PAMR1: variants seen among roughly 807,000 people sequenced by gnomAD.
The protein encoded by PAMR1 is inactive serine protease PAMR1.
A neutral mutation model predicts 81.8 loss-of-function variants in PAMR1; 88 were observed. The ratio of observed to expected loss-of-function variants is 1.08; its 90% CI spans 0.91 to 1.28. PAMR1 has a LOEUF of 1.28. Ranked by LOEUF, PAMR1 falls within the 50% of genes most tolerant of loss-of-function variation. PAMR1 has a pLI of 0.00. For synonymous variants in PAMR1, 336 were observed against 345.3 expected, an observed-to-expected ratio of 0.97 and a Z score of 0.30; for missense variants, 935 against 919.7, an observed-to-expected ratio of 1.02 and a Z score of -0.21.
chr11:35,434,507 C>CT lies in PAMR1; in HGVS notation c.1626+4dup. On this transcript the variant is annotated splice_donor_region_variant and intron_variant, in intron 10 of 10. Transcript: ENST00000619888. ...CCCAGCTTCCAAGTGCAAGCCCTCT[C>CT]TTACCTGTAGGCTCTGGATGGTCTT... is the stretch of plus-strand genomic sequence containing the variant. The CT allele has an allele frequency of 2.5e-6, 4 of 1,610,840 alleles. No individual in the cohort carries two copies. The highest frequency in any genetic ancestry group is 3.4e-6 in the Non-Finnish European group (4 of 1,177,524).
chr11:35,472,272 T>G (rs1850201488), intron 4 of PAMR1, among the ~76,000 whole-genome samples: 1 of 152,214 alleles, frequency 6.6e-6, no homozygotes, highest in Non-Finnish European at 1.5e-5. Flanking sequence ...AGCTACCACC[T>G]GACAGAAGCC....
intron 3 of PAMR1, among the ~76,000 whole-genome samples, chr11:35,475,806 G>A (rs78554708): frequency 0.027 from 4,136 of 152,252 alleles, 184 homozygotes; most frequent in East Asian, 0.21. Context: ...TCATGGCAGA[G>A]TTAAGTAATT....
rs66913789 is a variant in PAMR1, at chr11:35,506,413, G to GT, written c.74-12142dup. 8.9e-4 allele frequency among the ~76,000 whole-genome samples: 117 copies of GT among 131,684 alleles called. 1 individual carries two copies. Among genetic ancestry groups the GT allele is most frequent in the East Asian group, 7.2e-3 (34 of 4,696 alleles). 86.4% of individuals were successfully genotyped at this position (131,684 alleles called of 152,430 possible). ...AAAAAAATTTTTTTTGCATGTTAGT[G>GT]TTTTTTTTTTGTTTTTTGGTGTTTT... On this transcript the variant is annotated intron_variant, in intron 1 of 10. Transcript: ENST00000619888.
At chr11:35,496,344 GA>G (rs1850726615) in intron 1 of PAMR1, among the ~76,000 whole-genome samples, 1 of 152,192 alleles carries the variant, frequency 6.6e-6, no homozygotes, top group African/African-American at 2.4e-5. Flanking sequence ...CAAAATGGGA[GA>G]AAATATCAGA....
At chr11:35,487,693 T>G (rs1436578530) in intron 3 of PAMR1, among the ~76,000 whole-genome samples, 1 of 152,166 alleles carries the variant, frequency 6.6e-6, no homozygotes, top group East Asian at 1.9e-4. Flanking sequence ...CAGCAGATAT[T>G]TCACTCCCTA....
At chr11:35,489,560 T>A (rs7115890) in intron 3 of PAMR1, among the ~76,000 whole-genome samples, 2,454 of 152,322 alleles carry the variant, frequency 0.016, 65 homozygotes, top group African/African-American at 0.056. Flanking sequence ...TAAACCATCC[T>A]TCATCTCAGA....
chr11:35,524,720 C>T lies in PAMR1; in HGVS notation c.73+793G>A, dbSNP rs149791866. On this transcript the variant is annotated intron_variant, in intron 1 of 10. Coordinates refer to ENST00000619888, the MANE Select transcript of PAMR1 (RefSeq NM_001001991.3). ...TGTTCCTATGACGTTCCCACTTCCC[C>T]GCCTGCCAGCAAGCAGGATCTGCCA... Among the ~76,000 whole-genome samples, 377 of 152,290 alleles carry T rather than the reference C, an allele frequency of 2.5e-3. 1 individual carries two copies. Among genetic ancestry groups the T allele is most frequent in the African/African-American group, 8.4e-3 (349 of 41,558 alleles).
intron 3 of PAMR1, among the ~76,000 whole-genome samples, chr11:35,485,472 A>G (rs1850480764): frequency 6.6e-6 from 1 of 152,080 alleles, no homozygotes. Flanking sequence ...CTTAGTCTGG[A>G]TATTCTGAGA....
Position 35,434,537 on chromosome 11 carries a change from TC to T in PAMR1, c.1600del (p.Asp534MetfsTer31). 6.2e-7 allele frequency: 1 copy of T among 1,613,940 alleles called. No homozygotes were observed. The highest frequency in any genetic ancestry group is 1.3e-5 in the African/African-American group (1 of 74,962). On this transcript the variant is annotated frameshift_variant, in exon 10 of 11. Transcript: ENST00000619888. LOFTEE classifies it high-confidence loss of function. Reference sequence around the variant, plus strand: ...CTGTAGGCTCTGGATGGTCTTCTCATCCCGGTCATCATCCCGGTAGAATTTC... The same window carrying T: ...CTGTAGGCTCTGGATGGTCTTCTCATCCGGTCATCATCCCGGTAGAATTTC... ...LGKFYRDDDR[D>X]EKTIQSLQIS...
At chr11:35,519,957 T>C (rs1258086733) in intron 1 of PAMR1, among the ~76,000 whole-genome samples, 3 of 152,160 alleles carry the variant, frequency 2.0e-5, no homozygotes, top group East Asian at 1.9e-4. Flanking sequence ...ACTGAAACCC[T>C]TTGCCTAAGC....
At chr11:35,476,504 C>T (rs111885566) in intron 3 of PAMR1, among the ~76,000 whole-genome samples, 4,689 of 152,242 alleles carry the variant, frequency 0.031, 202 homozygotes, top group East Asian at 0.21. Context: ...AAGAAGGACG[C>T]GTTTGCTTCC....
chr11:35,486,167 C>G (rs1466056984), intron 3 of PAMR1, among the ~76,000 whole-genome samples: 2 of 152,130 alleles, frequency 1.3e-5, no homozygotes, highest in African/African-American at 4.8e-5. Flanking sequence ...CATTGTGTTC[C>G]CTGGTGACCA....
At chr11:35,478,004 C>T (rs1384063362) in intron 3 of PAMR1, among the ~76,000 whole-genome samples, 1 of 152,198 alleles carries the variant, frequency 6.6e-6, no homozygotes, top group African/African-American at 2.4e-5. Flanking sequence ...CAGCCCCCGT[C>T]CCTCAGGGAC....
In PAMR1 at chr11:35,496,984, G is replaced by A. The variant is rs145323163; in HGVS notation, c.74-2712C>T. Reference sequence around the variant, plus strand: ...AGTTTGAGACCAGCCTAGCCAACATGGTGAAACCTCATCTCAACTAAAGAT... The same window carrying A: ...AGTTTGAGACCAGCCTAGCCAACATAGTGAAACCTCATCTCAACTAAAGAT... On this transcript the variant is annotated intron_variant, in intron 1 of 10. Coordinates refer to ENST00000619888, the MANE Select transcript of PAMR1 (RefSeq NM_001001991.3). Among the ~76,000 whole-genome samples, 6 of 152,182 alleles carry A rather than the reference G, an allele frequency of 3.9e-5. No homozygotes were observed. The East Asian group carries it at 9.7e-4, about 24-fold the overall frequency.
chr11:35,458,518 C>CTAT (rs1427614668), intron 6 of PAMR1, among the ~76,000 whole-genome samples: 1 of 152,154 alleles, frequency 6.6e-6, no homozygotes, highest in African/African-American at 2.4e-5. Flanking sequence ...CAGGCAGGTA[C>CTAT]TATTCTGTTT....
intron 6 of PAMR1, among the ~76,000 whole-genome samples, chr11:35,448,824 T>G (rs1856351227): frequency 6.6e-6 from 1 of 152,222 alleles, no homozygotes; most frequent in East Asian, 1.9e-4. Context: ...ATGAGATTTT[T>G]GTGGGGTCTT....
At chr11:35,496,919 A>C (rs754286959) in intron 1 of PAMR1, among the ~76,000 whole-genome samples, 17 of 152,126 alleles carry the variant, frequency 1.1e-4, no homozygotes, top group Non-Finnish European at 2.1e-4. Context: ...TAATCCCAAC[A>C]CTTTGGGAGG....
intron 6 of PAMR1, among the ~76,000 whole-genome samples, chr11:35,441,947 A>G (rs1460341554): frequency 6.6e-6 from 1 of 152,246 alleles, no homozygotes; most frequent in African/African-American, 2.4e-5. Context: ...TGGCTCTTAT[A>G]TCATCTTGTC....
At chr11:35,467,695 A>G (rs138093744) in intron 6 of PAMR1, among the ~76,000 whole-genome samples, 6 of 152,350 alleles carry the variant, frequency 3.9e-5, no homozygotes, top group Admixed American at 2.0e-4. Context: ...GCCACAGGAA[A>G]GTTTGTTGAC....
Sources: allele counts gnomAD v4.1 joint callset (sites outside exome capture counted in the v4.1 genomes callset), GRCh38; gene constraint gnomAD v4.1.1; transcripts MANE v1.5; gene names NCBI Gene and HGNC (gene_info 2026-07-23, HGNC 2026-07-21).